The following INAVA variants were observed in gnomAD, a reference collection of about 807,000 sequenced individuals.
INAVA encodes the protein innate immunity activator.
In INAVA, 32 loss-of-function variants were observed where a neutral mutation model predicts 55.3. The ratio of observed to expected loss-of-function variants is 0.58; its 90% CI spans 0.44 to 0.78. INAVA has a LOEUF of 0.78. INAVA is among the 30% of genes least tolerant of loss of function. The probability of loss-of-function intolerance (pLI) is 0.00; values close to 1 mark genes in which losing one functional copy is unlikely to be tolerated. For synonymous variants in INAVA, 294 were observed against 329.4 expected, an observed-to-expected ratio of 0.89 and a Z score of 1.16; for missense variants, 756 against 786.4, an observed-to-expected ratio of 0.96 and a Z score of 0.46.
chr1:200,908,986 C>A, intron 7 of INAVA, 46 bp downstream of exon 7: 1 of 1,568,394 alleles, frequency 6.4e-7, no homozygotes, highest in South Asian at 1.2e-5. Flanking sequence ...GGCAGGGAGT[C>A]GGTGGGAGCT....
Position 200,909,813 on chromosome 1 carries a change from C to A in INAVA, c.959+416C>A, listed in dbSNP as rs140863827. Among the ~76,000 whole-genome samples, 10 of 152,210 alleles carry A rather than the reference C, an allele frequency of 6.6e-5. No individual in the cohort carries two copies. The East Asian group carries it at 1.2e-3, about 18-fold the overall frequency. Reference sequence around the variant, plus strand: ...AATCCTGAATTAGCAAATACTGAACCCTTGCCCCTGGGGAAATATAGGGTT... The same window carrying A: ...AATCCTGAATTAGCAAATACTGAACACTTGCCCCTGGGGAAATATAGGGTT... On this transcript the variant is annotated intron_variant, in intron 8 of 9. Transcript: ENST00000413687.
chr1:200,902,716 G>A (rs888831324), intron 5 of INAVA, among the ~76,000 whole-genome samples: 39 of 152,258 alleles, frequency 2.6e-4, no homozygotes, highest in African/African-American at 8.7e-4. Context: ...AGATATGCCC[G>A]TTGGTTGCAG....
chr1:200,899,618 C>T, intron 3 of INAVA, 21 bp downstream of exon 3: 1 of 1,610,322 alleles, frequency 6.2e-7, no homozygotes, highest in Non-Finnish European at 8.5e-7. Flanking sequence ...AGCCAGCACA[C>T]ACAAGCATCG....
intron 1 of INAVA, among the ~76,000 whole-genome samples, chr1:200,895,997 G>A: frequency 6.6e-6 from 1 of 152,164 alleles, no homozygotes; most frequent in Non-Finnish European, 1.5e-5. Context: ...CCACTGGGAA[G>A]ATCAGTGCCT....
chr1:200,893,233 T>C (rs1386020125), upstream of INAVA, among the ~76,000 whole-genome samples: 2 of 152,238 alleles, frequency 1.3e-5, no homozygotes, highest in African/African-American at 2.4e-5. Flanking sequence ...TTGTGTGAAA[T>C]TACCCACTGC....
chr1:200,900,858 T>A (rs748321624), intron 4 of INAVA, 79 bp from the exon 5 acceptor site: 1 of 1,110,270 alleles, frequency 9.0e-7, no homozygotes, highest in Non-Finnish European at 1.3e-6. Context: ...CCTAGAGCAC[T>A]GTGTCAGGGC....
intron 8 of INAVA, among the ~76,000 whole-genome samples, chr1:200,909,616 T>G (rs1653633910): frequency 6.6e-6 from 1 of 152,208 alleles, no homozygotes; most frequent in African/African-American, 2.4e-5. Flanking sequence ...TTCCAAAGAC[T>G]CTAGTTTTGT....
At position 200,908,903 on chromosome 1, in the gene INAVA, A is replaced by C; in HGVS notation, c.748A>C (p.Lys250Gln). 6.2e-7 allele frequency: 1 copy of C among 1,613,760 alleles called. No individual in the cohort carries two copies. Among genetic ancestry groups the C allele is most frequent in the Non-Finnish European group, 8.5e-7 (1 of 1,179,804 alleles). Residue 250 changes from lysine (K) to glutamine (Q), a missense_variant, in exon 7 of 10, where the codon AAG becomes CAG. Physicochemically the swap from Lys to Gln is moderately conservative, Grantham distance 53. This residue lies in a region of INAVA where 639 missense variants were observed against 624.3 expected (regional missense o/e 1.02). Transcript: ENST00000413687. ...AACCAGCCTGGACCACCCCTATGAG[A>C]AGCCCAGGAAGTCTTCTGAGCCCTG... Reference protein sequence around the residue: ...KETSLDHPYEKPRKSSEPWSE... With the variant: ...KETSLDHPYEQPRKSSEPWSE...
intron 4 of INAVA, 112 bp downstream of exon 4, chr1:200,900,332 G>T: frequency 1.1e-6 from 1 of 939,114 alleles, no homozygotes; most frequent in Non-Finnish European, 1.6e-6. Flanking sequence ...TTCACACCCA[G>T]TGAGGGTGCT....
rs2102298626 is a variant in INAVA, at chr1:200,895,088, G to A, written c.-95+1G>A. 6 of 985,720 alleles carry A rather than the reference G, an allele frequency of 6.1e-6. No homozygotes were observed. The highest frequency in any genetic ancestry group is 6.1e-5 in the Admixed American group (1 of 16,282). 61.1% of individuals were successfully genotyped at this position (985,720 alleles called of 1,614,324 possible). On this transcript the variant is annotated splice_donor_variant, in intron 1 of 9. Coordinates refer to ENST00000413687, the MANE Select transcript of INAVA (RefSeq NM_001142569.3). LOFTEE classifies it low-confidence loss of function (5UTR_SPLICE). ...CTCCTGGACTAAAGCCCAGAAGCAGGTGAGGGCGGGGGAGGTGGAATGGGT... is the reference window on the plus strand; with the variant it reads ...CTCCTGGACTAAAGCCCAGAAGCAGATGAGGGCGGGGGAGGTGGAATGGGT...
At chr1:200,893,955 G>C (rs78558361), upstream of INAVA, among the ~76,000 whole-genome samples, 47 of 152,096 alleles carry the variant, frequency 3.1e-4, no homozygotes, top group East Asian at 8.7e-3. Context: ...ATCAGAGAGT[G>C]GGGGGAAAGG....
At chr1:200,910,429 C>T (rs766070294) in intron 8 of INAVA, among the ~76,000 whole-genome samples, 4 of 152,132 alleles carry the variant, frequency 2.6e-5, no homozygotes, top group Non-Finnish European at 2.9e-5. Context: ...AATGGCTAAG[C>T]GTTGACAGGC....
At chr1:200,908,661 T>G in intron 6 of INAVA, 69 bp from the exon 7 acceptor site, 1 of 1,367,422 alleles carries the variant, frequency 7.3e-7, no homozygotes, top group Non-Finnish European at 1.0e-6. Flanking sequence ...TGGGCTGTGG[T>G]TTGTGGAGGT....
At chr1:200,899,228 C>G (rs965353189) in intron 2 of INAVA, among the ~76,000 whole-genome samples, 1 of 152,142 alleles carries the variant, frequency 6.6e-6, no homozygotes, top group Non-Finnish European at 1.5e-5. Context: ...TGCACTCCCC[C>G]ACCATAGGTC....
At chr1:200,899,361 GTGTGTGTGTGTGCA>G in intron 2 of INAVA, 98 bp from the exon 3 acceptor site, 1 of 1,398,876 alleles carries the variant, frequency 7.1e-7, no homozygotes, top group Non-Finnish European at 9.8e-7. Flanking sequence ...CATGAGATGT[GTGTGTGTGTGTGCA>G]TGTGTGTGCA....
At position 200,900,929 on chromosome 1, in the gene INAVA, T is replaced by C; in HGVS notation, c.298-8T>C. 7.2e-6 allele frequency: 11 copies of C among 1,537,376 alleles called. No homozygotes were observed. The highest frequency in any genetic ancestry group is 9.7e-6 in the Non-Finnish European group (11 of 1,137,976). ...TCTCTCTAGCCTCACTCCTGCCCCC[T>C]CTCTCAGGACCCCCTAAGCAGCCTG... On this transcript the variant is annotated splice_polypyrimidine_tract_variant and splice_region_variant and intron_variant, in intron 4 of 9. Coordinates refer to ENST00000413687, the MANE Select transcript of INAVA (RefSeq NM_001142569.3).
At chr1:200,899,960 A>G (rs1220633549) in intron 3 of INAVA, 144 bp from the exon 4 acceptor site, 11 of 682,616 alleles carry the variant, frequency 1.6e-5, no homozygotes, top group Non-Finnish European at 2.8e-5. Flanking sequence ...AAGACAGGAG[A>G]GACAGTGTGG....
intron 2 of INAVA, among the ~76,000 whole-genome samples, chr1:200,898,760 G>T (rs1333978367): frequency 6.6e-6 from 1 of 152,196 alleles, no homozygotes; most frequent in African/African-American, 2.4e-5. Context: ...AAAATCTCAG[G>T]CAGGCACAGT....
upstream of INAVA, among the ~76,000 whole-genome samples, chr1:200,892,585 C>T (rs965384625): frequency 6.6e-6 from 1 of 152,314 alleles, no homozygotes; most frequent in Non-Finnish European, 1.5e-5. Flanking sequence ...CAAGGAAATA[C>T]CACTTCCTCA....
Sources: allele counts gnomAD v4.1 joint callset (sites outside exome capture counted in the v4.1 genomes callset), GRCh38; gene constraint gnomAD v4.1.1; regional missense constraint gnomAD v4.1.1; transcripts MANE v1.5; gene names NCBI Gene and HGNC (gene_info 2026-07-23, HGNC 2026-07-21).